SCLT1: variants seen among roughly 807,000 people sequenced by gnomAD.
SCLT1 encodes sodium channel-associated protein 1.
Under a neutral mutation model 112.8 loss-of-function variants are expected in SCLT1, and 78 were observed. The ratio of observed to expected loss-of-function variants is 0.69; its 90% CI spans 0.58 to 0.83. SCLT1 has a LOEUF of 0.83. Among genes scored for constraint, SCLT1 ranks in the 40% least tolerant of loss-of-function variants. The probability of loss-of-function intolerance (pLI) is 0.00; values close to 1 mark genes in which losing one functional copy is unlikely to be tolerated. For synonymous variants in SCLT1, 257 were observed against 254.7 expected (o/e 1.01, Z -0.09); for missense variants, 747 against 770.4 (o/e 0.97, Z 0.36).
downstream of SCLT1, among the ~76,000 whole-genome samples, chr4:128,883,404 C>T (rs989178854): frequency 4.0e-5 from 6 of 151,774 alleles, no homozygotes; most frequent in African/African-American, 1.2e-4. Flanking sequence ...CCGGGCCTGT[C>T]GAGGGGTGAA....
intron 4 of SCLT1, 106 bp from the exon 5 acceptor site, chr4:129,039,202 A>T (rs894970338): frequency 9.0e-6 from 6 of 669,032 alleles, no homozygotes; most frequent in Non-Finnish European, 1.3e-5. Flanking sequence ...GTTTACAGAT[A>T]AGAAAGACTT....
intron 2 of SCLT1, among the ~76,000 whole-genome samples, chr4:129,062,050 C>T (rs1404296418): frequency 4.0e-5 from 6 of 151,152 alleles, no homozygotes; most frequent in Non-Finnish European, 8.9e-5. Context: ...GTGGCGAGGT[C>T]CGTAGGAGTT....
intron 2 of SCLT1, among the ~76,000 whole-genome samples, chr4:129,081,877 C>A (rs1751972145): frequency 6.6e-6 from 1 of 152,074 alleles, no homozygotes; most frequent in Admixed American, 6.6e-5. Context: ...AATAATTATA[C>A]CTTTCTGGCT....
intron 1 of SCLT1, among the ~76,000 whole-genome samples, chr4:129,087,786 AAAG>A (rs1379329717): frequency 6.6e-6 from 1 of 151,456 alleles, no homozygotes; most frequent in Non-Finnish European, 1.5e-5. Context: ...GAAGAAAAAA[AAAG>A]AAAAGCAAAA....
At chr4:128,882,743 A>G (rs1388726414), downstream of SCLT1, among the ~76,000 whole-genome samples, 8 of 152,202 alleles carry the variant, frequency 5.3e-5, no homozygotes, top group Admixed American at 3.3e-4. Flanking sequence ...ATGAAGGGAA[A>G]CTACGGTGCA....
At chr4:128,952,876 A>G (rs1738881128) in intron 13 of SCLT1, 36 bp from the exon 14 acceptor site, 1 of 1,048,840 alleles carries the variant, frequency 9.5e-7, no homozygotes, top group East Asian at 2.4e-5. Flanking sequence ...ATTTGGTTCT[A>G]GAATAAAAAT....
At chr4:129,031,871 T>C (rs1482340981) in intron 5 of SCLT1, among the ~76,000 whole-genome samples, 1 of 152,134 alleles carries the variant, frequency 6.6e-6, no homozygotes, top group East Asian at 1.9e-4. Flanking sequence ...AAAATGGTCA[T>C]ATTGCCCAAA....
At chr4:129,033,237 A>C (rs1718137643) in intron 5 of SCLT1, among the ~76,000 whole-genome samples, 1 of 152,024 alleles carries the variant, frequency 6.6e-6, no homozygotes, top group Non-Finnish European at 1.5e-5. Context: ...AAACTAACAC[A>C]GGAACAGAAA....
chr4:129,070,735 T>C (rs2125752528), intron 2 of SCLT1, among the ~76,000 whole-genome samples: 1 of 152,204 alleles, frequency 6.6e-6, no homozygotes, highest in East Asian at 1.9e-4. Context: ...TCTTTTGGGT[T>C]TTTTGTTTGT....
In SCLT1 at chr4:128,944,345, C is replaced by T. The variant is rs550393781; in HGVS notation, c.1440-1157G>A. ...CACAGATTGTAAGCCTCCTAATAGA[C>T]GTCCACAATATCATCATCTATGAAG... On this transcript the variant is annotated intron_variant, in intron 16 of 20. Coordinates refer to ENST00000281142, the MANE Select transcript of SCLT1 (RefSeq NM_144643.4). 5.3e-5 allele frequency among the ~76,000 whole-genome samples: 8 copies of T among 152,194 alleles called. No individual in the cohort carries two copies. The South Asian group carries it at 6.2e-4, about 12-fold the overall frequency.
intron 2 of SCLT1, among the ~76,000 whole-genome samples, chr4:129,073,837 C>G (rs1198083987): frequency 6.6e-6 from 1 of 152,078 alleles, no homozygotes; most frequent in Non-Finnish European, 1.5e-5. Flanking sequence ...TTTTCATATT[C>G]TCTCCTATAT....
intron 11 of SCLT1, among the ~76,000 whole-genome samples, chr4:128,962,791 C>G (rs1739856696): frequency 6.6e-6 from 1 of 152,134 alleles, no homozygotes; most frequent in South Asian, 2.1e-4. Context: ...ATAAAATAAT[C>G]TTCTGAATTA....
chr4:128,942,894 CA>C (rs139579638), intron 17 of SCLT1, 101 bp downstream of exon 17: 1,632 of 742,134 alleles, frequency 2.2e-3, no homozygotes, highest in South Asian at 3.3e-3. Context: ...GATGAGAAGG[CA>C]AAAAAAAAGG....
chr4:129,039,495 T>A (rs534536623), intron 4 of SCLT1: 1 of 159,994 alleles, frequency 6.3e-6, no homozygotes, highest in East Asian at 1.9e-4. Context: ...TAAGTATGTA[T>A]ATTTTTCTAG....
At chr4:129,082,157 A>C in intron 2 of SCLT1, 149 bp downstream of exon 2, 2 of 397,102 alleles carry the variant, frequency 5.0e-6, no homozygotes, top group Non-Finnish European at 9.0e-6. Flanking sequence ...TTGGGGGGAA[A>C]AGGGCAATTT....
At chr4:129,039,233 G>T in intron 4 of SCLT1, 137 bp from the exon 5 acceptor site, 1 of 554,968 alleles carries the variant, frequency 1.8e-6, no homozygotes. Flanking sequence ...TATAACAAAG[G>T]GATAATTAAT....
intron 20 of SCLT1, among the ~76,000 whole-genome samples, chr4:128,887,781 G>T (rs318505): frequency 0.44 from 67,338 of 151,900 alleles, 15,938 homozygotes; most frequent in African/African-American, 0.61. Flanking sequence ...TTTCCCACTG[G>T]ACAACTTTTA....
Position 129,093,240 on chromosome 4 carries a change from A to G in SCLT1, c.-137T>C. 1 of 745,344 alleles carries G rather than the reference A, an allele frequency of 1.3e-6. No individual in the cohort carries two copies. The highest frequency in any genetic ancestry group is 1.5e-5 in the South Asian group (1 of 66,154). The allele number at this position is 745,344 out of a possible 1,614,324, so 46.2% of individuals were successfully genotyped here. ...GCTCCAGCGGTGCAATCTGCATCCT[A>G]CTCACGCGGCATCTACAGCCCCGCC... On this transcript the variant is annotated 5_prime_UTR_variant, in exon 1 of 21. It removes the in-frame stop codon of an upstream open reading frame in the 5' UTR. Coordinates refer to ENST00000281142, the MANE Select transcript of SCLT1 (RefSeq NM_144643.4).
At chr4:128,977,228 C>T (rs530458011) in intron 9 of SCLT1, among the ~76,000 whole-genome samples, 3 of 152,176 alleles carry the variant, frequency 2.0e-5, no homozygotes, top group African/African-American at 7.2e-5. Context: ...ATAACATGCC[C>T]GACACTGTGA....
Sources: allele counts gnomAD v4.1 joint callset (sites outside exome capture counted in the v4.1 genomes callset), GRCh38; gene constraint gnomAD v4.1.1; transcripts MANE v1.5; gene names NCBI Gene and HGNC (gene_info 2026-07-23, HGNC 2026-07-21).